WDR19: variants seen among roughly 807,000 people sequenced by gnomAD.
The protein encoded by WDR19 is WD repeat domain 19.
A neutral mutation model predicts 180.0 loss-of-function variants in WDR19; 121 were observed. That is an observed-to-expected ratio of 0.67 (90% CI 0.58 to 0.78). WDR19 has a LOEUF of 0.78. Among genes scored for constraint, WDR19 ranks in the 30% least tolerant of loss-of-function variants. The pLI, the probability that WDR19 is intolerant of heterozygous loss-of-function variation, is 0.00. For synonymous variants in WDR19, 497 were observed against 540.7 expected, an observed-to-expected ratio of 0.92 and a Z score of 1.12; for missense variants, 1,450 against 1,640.7, an observed-to-expected ratio of 0.88 and a Z score of 2.01.
intron 15 of WDR19, among the ~76,000 whole-genome samples, chr4:39,226,185 G>T (rs1354683323): frequency 1.3e-5 from 2 of 152,194 alleles, no homozygotes; most frequent in South Asian, 4.1e-4. Context: ...TATCTGTCAG[G>T]AGTTAAATTC....
intron 20 of WDR19, among the ~76,000 whole-genome samples, chr4:39,236,296 G>C (rs537474620): frequency 1.1e-3 from 168 of 151,432 alleles, no homozygotes; most frequent in African/African-American, 3.4e-3. Context: ...CACACACACA[G>C]ACACACACAC....
At chr4:39,201,978 AC>A (rs1306493553) in intron 6 of WDR19, among the ~76,000 whole-genome samples, 1 of 152,158 alleles carries the variant, frequency 6.6e-6, no homozygotes, top group African/African-American at 2.4e-5. Flanking sequence ...TCTGAAGATC[AC>A]TATGGTGTTA....
intron 28 of WDR19, among the ~76,000 whole-genome samples, chr4:39,259,642 A>T (rs963182038): frequency 3.9e-5 from 6 of 152,222 alleles, no homozygotes; most frequent in South Asian, 4.1e-4. Context: ...TTGTTTATTC[A>T]TCAGTTGGTG....
chr4:39,189,901 A>G lies in WDR19; in HGVS notation c.290+120A>G, dbSNP rs918760377. On this transcript the variant is annotated intron_variant, in intron 4 of 36. Coordinates refer to ENST00000399820, the MANE Select transcript of WDR19 (RefSeq NM_025132.4). Reference sequence around the variant, plus strand: ...ATTCCTCAATGAGTTATTTTCATAGAAAAGGATTATTTTTATTATTGTTAC... The same window carrying G: ...ATTCCTCAATGAGTTATTTTCATAGGAAAGGATTATTTTTATTATTGTTAC... The G allele has an allele frequency of 1.1e-4, 124 of 1,133,918 alleles. 1 individual carries two copies. The African/African-American group carries it at 1.6e-3, about 15-fold the overall frequency. 70.2% of individuals were successfully genotyped at this position (1,133,918 alleles called of 1,614,324 possible). A position where few individuals can be genotyped will look rare whatever the true frequency, so the allele number is the denominator to read the frequency against.
intron 36 of WDR19, 41 bp downstream of exon 36, chr4:39,278,704 C>T (rs2109526989): frequency 1.6e-6 from 2 of 1,277,580 alleles, no homozygotes; most frequent in Non-Finnish European, 2.2e-6. Flanking sequence ...GGCGCAAGGG[C>T]CCACAGCGTG....
At position 39,257,507 on chromosome 4, in the gene WDR19, T is replaced by C. The variant is rs762956522; in HGVS notation, c.3136T>C (p.Cys1046Arg). ...TCAGGCACTTAAACACTTCCTGAAA[T>C]GCCCAAGCTCGGAAGATAATGTGGC... Reference protein sequence around the residue: ...YSRALKHFLKCPSSEDNVAIE... With the variant: ...YSRALKHFLKRPSSEDNVAIE... Residue 1046 changes from cysteine (C) to arginine (R), a missense_variant, in exon 28 of 37, where the codon TGC becomes CGC. Transcript: ENST00000399820. The C allele has an allele frequency of 1.9e-6, 3 of 1,587,634 alleles. No homozygotes were observed. The highest frequency in any genetic ancestry group is 2.7e-5 in the African/African-American group (2 of 74,458).
chr4:39,245,343 C>G, intron 23 of WDR19, 26 bp from the exon 24 acceptor site: 1 of 1,598,020 alleles, frequency 6.3e-7, no homozygotes, highest in Non-Finnish European at 8.6e-7. Context: ...AGTACTCATA[C>G]TGTTCTCCTG....
At chr4:39,224,591 G>A (rs895429158) in intron 14 of WDR19, among the ~76,000 whole-genome samples, 2 of 151,936 alleles carry the variant, frequency 1.3e-5, no homozygotes, top group Admixed American at 1.3e-4. Flanking sequence ...ATATTGGCCA[G>A]GCTGGTCTCT....
chr4:39,278,614 C>G lies in WDR19; in HGVS notation c.3993C>G (p.Asp1331Glu), dbSNP rs778745769. 2 of 1,613,654 alleles carry G rather than the reference C, an allele frequency of 1.2e-6. No homozygotes were observed. Among genetic ancestry groups the G allele is most frequent in the Admixed American group, 3.3e-5 (2 of 59,992 alleles). Residue 1331 changes from aspartate (D) to glutamate (E), a missense_variant, in exon 36 of 37, where the codon GAC becomes GAG. Physicochemically the swap from Asp to Glu is conservative, Grantham distance 45 (BLOSUM62 2). Coordinates refer to ENST00000399820, the MANE Select transcript of WDR19 (RefSeq NM_025132.4). Reference protein sequence around the residue: ...LNAAQLKKISDCTQYLRTEEE... With the variant: ...LNAAQLKKISECTQYLRTEEE... The stretch of plus-strand genomic sequence containing the variant: ...CTGCTCAGCTGAAAAAGATTTCAGA[C>G]TGTACCCAGTACCTGCGAACGGAGG...
chr4:39,263,997 A>C (rs1193005245), intron 28 of WDR19, among the ~76,000 whole-genome samples: 1 of 151,788 alleles, frequency 6.6e-6, no homozygotes, highest in East Asian at 1.9e-4. Context: ...TTGCATATGT[A>C]ATAGTGAAAA....
chr4:39,213,734 C>G (rs1175938926), intron 9 of WDR19, among the ~76,000 whole-genome samples: 3 of 152,238 alleles, frequency 2.0e-5, no homozygotes, highest in African/African-American at 7.2e-5. Context: ...TAAACACACA[C>G]ACTAAGTACA....
chr4:39,220,560 ATTTTTTTTTTT>A (rs142037096), intron 14 of WDR19, among the ~76,000 whole-genome samples: 1 of 64,376 alleles, frequency 1.6e-5, no homozygotes, highest in African/African-American at 7.3e-5. Context: ...GACCTCCTTG[ATTTTTTTTTTT>A]TTTTTTTTTT....
intron 3 of WDR19, among the ~76,000 whole-genome samples, chr4:39,188,156 T>C (rs1370068339): frequency 6.6e-6 from 1 of 152,050 alleles, no homozygotes; most frequent in Non-Finnish European, 1.5e-5. Flanking sequence ...CATTTGGTTA[T>C]TTAATACCAA....
At chr4:39,184,039 A>G (rs1725254653) in intron 1 of WDR19, among the ~76,000 whole-genome samples, 1 of 152,208 alleles carries the variant, frequency 6.6e-6, no homozygotes, top group East Asian at 1.9e-4. Flanking sequence ...TTTATGCTCT[A>G]TAAAACTTTT....
At chr4:39,258,884 A>T (rs1275518325) in intron 28 of WDR19, among the ~76,000 whole-genome samples, 1 of 152,188 alleles carries the variant, frequency 6.6e-6, no homozygotes, top group African/African-American at 2.4e-5. Context: ...CCTGGCCAAC[A>T]TGGTGAAACC....
intron 36 of WDR19, among the ~76,000 whole-genome samples, chr4:39,282,779 C>G (rs919271475): frequency 1.3e-5 from 2 of 152,158 alleles, no homozygotes; most frequent in Non-Finnish European, 2.9e-5. Context: ...TTTTAATACT[C>G]AATGAAATTT....
intron 24 of WDR19, among the ~76,000 whole-genome samples, chr4:39,252,382 T>A (rs1221967806): frequency 1.0e-4 from 14 of 134,330 alleles, no homozygotes; most frequent in Non-Finnish European, 1.9e-4. Flanking sequence ...GGGGGAGGGA[T>A]AGCATTAGGT....
chr4:39,284,317 A>C (rs1208238422), intron 36 of WDR19, among the ~76,000 whole-genome samples: 2 of 144,794 alleles, frequency 1.4e-5, no homozygotes, highest in Non-Finnish European at 1.5e-5. Flanking sequence ...CTTTCTTCTA[A>C]GTAAGTAAAA....
chr4:39,274,442 C>T (rs1170309860), intron 32 of WDR19: 1 of 178,684 alleles, frequency 5.6e-6, no homozygotes, highest in Non-Finnish European at 1.2e-5. Flanking sequence ...AATTTGATGC[C>T]TGCAGAGAGA....
Sources: gnomAD v4.1 joint callset for allele counts (sites outside exome capture counted in the v4.1 genomes callset) on GRCh38, gnomAD v4.1.1 for gene constraint, MANE v1.5 for transcripts, NCBI Gene and HGNC (gene_info 2026-07-23, HGNC 2026-07-21) for gene names.